Variants in PPA2 observed in about 807,000 individuals in gnomAD.
The protein encoded by PPA2 is inorganic pyrophosphatase 2, mitochondrial.
In PPA2, 48 loss-of-function variants were observed where a neutral mutation model predicts 49.5. The observed-to-expected ratio is 0.97, with a 90% confidence interval of 0.77 to 1.23. The LOEUF (loss-of-function observed/expected upper bound fraction) is 1.23. PPA2 is among the 50% of genes most tolerant of loss of function. The probability of loss-of-function intolerance (pLI) is 0.00; values close to 1 mark genes in which losing one functional copy is unlikely to be tolerated. For missense variants in PPA2, 429 were observed against 410.1 expected, an observed-to-expected ratio of 1.05 and a Z score of -0.40; for synonymous variants, 131 against 139.9, an observed-to-expected ratio of 0.94 and a Z score of 0.45.
intron 7 of PPA2, among the ~76,000 whole-genome samples, chr4:105,417,854 C>T (rs1341707601): frequency 1.3e-5 from 2 of 152,112 alleles, no homozygotes; most frequent in African/African-American, 4.8e-5. Context: ...ATACAGCTGA[C>T]TAACCCGGCA....
chr4:105,381,193 C>T (rs1733474593), intron 10 of PPA2, among the ~76,000 whole-genome samples: 1 of 151,948 alleles, frequency 6.6e-6, no homozygotes, highest in Admixed American at 6.6e-5. Flanking sequence ...CTTTTGTGAG[C>T]CGTCTATTCA....
intron 1 of PPA2, among the ~76,000 whole-genome samples, chr4:105,463,583 C>T (rs551228626): frequency 3.3e-5 from 5 of 152,328 alleles, no homozygotes; most frequent in African/African-American, 1.2e-4. Context: ...TAGCGCATGT[C>T]AGAGGCCTTC....
chr4:105,401,280 C>T (rs1398477381), intron 7 of PPA2, among the ~76,000 whole-genome samples: 1 of 152,124 alleles, frequency 6.6e-6, no homozygotes, highest in African/African-American at 2.4e-5. Flanking sequence ...CAAAATCTAT[C>T]CAACTCACTC....
At chr4:105,473,064 A>T (rs1425955583) in intron 1 of PPA2, among the ~76,000 whole-genome samples, 1 of 152,192 alleles carries the variant, frequency 6.6e-6, no homozygotes, top group Non-Finnish European at 1.5e-5. Context: ...CCACTTTGAT[A>T]CTACCACTCC....
intron 9 of PPA2, among the ~76,000 whole-genome samples, chr4:105,394,564 C>T (rs889594477): frequency 1.3e-5 from 2 of 151,930 alleles, no homozygotes; most frequent in Non-Finnish European, 2.9e-5. Flanking sequence ...ATATAAATCA[C>T]TCAGAACGTG....
intron 6 of PPA2, among the ~76,000 whole-genome samples, chr4:105,429,621 T>C (rs1489684897): frequency 1.3e-5 from 2 of 152,224 alleles, no homozygotes; most frequent in Non-Finnish European, 2.9e-5. Flanking sequence ...CAATTTGTGC[T>C]GAAACTGAAG....
At chr4:105,408,954 C>A (rs1722611642) in intron 7 of PPA2, among the ~76,000 whole-genome samples, 1 of 152,164 alleles carries the variant, frequency 6.6e-6, no homozygotes, top group Non-Finnish European at 1.5e-5. Context: ...CAAATAGGAA[C>A]AGCTCTGGTC....
At chr4:105,413,446 T>C (rs1299482725) in intron 7 of PPA2, among the ~76,000 whole-genome samples, 1 of 152,074 alleles carries the variant, frequency 6.6e-6, no homozygotes, top group Non-Finnish European at 1.5e-5. Context: ...TGTGCACATG[T>C]ACCCTAGAAC....
At chr4:105,460,668 A>G (rs1723050601) in intron 1 of PPA2, among the ~76,000 whole-genome samples, 1 of 152,186 alleles carries the variant, frequency 6.6e-6, no homozygotes, top group Admixed American at 6.5e-5. Context: ...AGCTCTAAGA[A>G]TCCAGGAAGT....
At chr4:105,432,795 A>T (rs1408099223) in intron 6 of PPA2, among the ~76,000 whole-genome samples, 1 of 152,110 alleles carries the variant, frequency 6.6e-6, no homozygotes. Context: ...TATTTTTCCA[A>T]TGTGGCCCAG....
chr4:105,457,641 A>G (rs947559260), intron 1 of PPA2, among the ~76,000 whole-genome samples: 1 of 152,032 alleles, frequency 6.6e-6, no homozygotes, highest in East Asian at 1.9e-4. Flanking sequence ...TGGCATGATC[A>G]TGGCTCACTG....
chr4:105,373,148 A>G (rs1422634401), intron 10 of PPA2, among the ~76,000 whole-genome samples: 4 of 152,170 alleles, frequency 2.6e-5, no homozygotes, highest in African/African-American at 9.7e-5. Context: ...TAAAATTACA[A>G]TTTTTAAAAA....
At chr4:105,414,385 G>A (rs1722905332) in intron 7 of PPA2, among the ~76,000 whole-genome samples, 3 of 152,230 alleles carry the variant, frequency 2.0e-5, no homozygotes, top group Admixed American at 2.0e-4. Flanking sequence ...CGGCCCGCTG[G>A]GCTCCTTCCA....
At position 105,437,964 on chromosome 4, in the gene PPA2, C is replaced by A; in HGVS notation, c.514G>T (p.Glu172Ter). The change falls in exon 6 of 12, where the codon GAA (glutamate) becomes TAA (stop). Residue 172 changes from glutamate to a stop codon, truncating the protein, a stop_gained. Coordinates refer to ENST00000341695, the MANE Select transcript of PPA2 (RefSeq NM_176869.3). LOFTEE classifies it high-confidence loss of function. ...ATAAAACAAACCTTTGAGCCTATTT[C>A]GCAAACATCAATAGGATCATTATCT... ...FGDNDPIDVC[E>*]IGSKILSCGE... is the part of the protein sequence containing the mutation. 2.5e-6 allele frequency: 4 copies of A among 1,606,162 alleles called. No individual in the cohort carries two copies. Among genetic ancestry groups the A allele is most frequent in the Non-Finnish European group, 3.4e-6 (4 of 1,177,720 alleles).
chr4:105,399,036 C>T lies in PPA2; in HGVS notation c.783+1G>A. ...TTTAAAATAAAGATTCTCATCTTCA[C>T]CTTGTTTTTGAATTCTCCATTAAAA... is the stretch of plus-strand genomic sequence containing the variant. On this transcript the variant is annotated splice_donor_variant, in intron 8 of 11. Coordinates refer to ENST00000341695, the MANE Select transcript of PPA2 (RefSeq NM_176869.3). LOFTEE classifies it high-confidence loss of function. 1.9e-6 allele frequency: 3 copies of T among 1,607,644 alleles called. No homozygotes were observed. Among genetic ancestry groups the T allele is most frequent in the Non-Finnish European group, 2.5e-6 (3 of 1,178,470 alleles).
chr4:105,452,483 T>C (rs1722713959), intron 3 of PPA2, among the ~76,000 whole-genome samples: 1 of 152,084 alleles, frequency 6.6e-6, no homozygotes, highest in Admixed American at 6.5e-5. Flanking sequence ...ACTTAGTAAA[T>C]AGGAGATGGG....
chr4:105,400,366 C>A (rs1308174059), intron 7 of PPA2, among the ~76,000 whole-genome samples: 1 of 151,990 alleles, frequency 6.6e-6, no homozygotes, highest in Non-Finnish European at 1.5e-5. Context: ...ATTTTCTAGG[C>A]CAGGTGTGGT....
rs76891975 is a variant in PPA2, at chr4:105,388,333, A to G, written c.870-1697T>C. ...AGTAATCCCCTACTCTTACAACAAAATGAAACTATGAATAGGAATATTAGA... is the reference window on the plus strand; with the variant it reads ...AGTAATCCCCTACTCTTACAACAAAGTGAAACTATGAATAGGAATATTAGA... On this transcript the variant is annotated intron_variant, in intron 9 of 11. Transcript: ENST00000341695. Among the ~76,000 whole-genome samples the G allele has an allele frequency of 1.8e-3, 271 of 152,256 alleles. 1 individual carries two copies. The highest frequency in any genetic ancestry group is 4.9e-3 in the African/African-American group (202 of 41,570).
chr4:105,407,640 A>T (rs1722544046), intron 7 of PPA2, among the ~76,000 whole-genome samples: 1 of 152,218 alleles, frequency 6.6e-6, no homozygotes, highest in African/African-American at 2.4e-5. Context: ...AAAATGGAAG[A>T]CCGTTCAATA....
Sources: allele counts gnomAD v4.1 joint callset (sites outside exome capture counted in the v4.1 genomes callset), GRCh38; gene constraint gnomAD v4.1.1; transcripts MANE v1.5; gene names NCBI Gene and HGNC (gene_info 2026-07-23, HGNC 2026-07-21).